WFDC1: variants seen among roughly 807,000 people sequenced by gnomAD.
The protein encoded by WFDC1 is WAP four-disulfide core domain protein 1.
A neutral mutation model predicts 32.9 loss-of-function variants in WFDC1; 39 were observed. The ratio of observed to expected loss-of-function variants is 1.19; its 90% CI spans 0.92 to 1.55. The LOEUF is 1.55. Ranked by LOEUF, WFDC1 falls within the 40% of genes most tolerant of loss-of-function variation. The pLI, the probability that WFDC1 is intolerant of heterozygous loss-of-function variation, is 0.00. For missense variants in WFDC1, 386 were observed against 309.5 expected, an observed-to-expected ratio of 1.25 and a Z score of -1.85; for synonymous variants, 184 against 137.4, an observed-to-expected ratio of 1.34 and a Z score of -2.37.
intron 2 of WFDC1, among the ~76,000 whole-genome samples, chr16:84,314,389 C>T (rs1297366923): frequency 6.6e-6 from 1 of 152,148 alleles, no homozygotes; most frequent in African/African-American, 2.4e-5. Flanking sequence ...GAAGTCTTCT[C>T]CACCCTCGGC....
chr16:84,306,260 C>G (rs1051596081), intron 1 of WFDC1, among the ~76,000 whole-genome samples: 7 of 152,114 alleles, frequency 4.6e-5, no homozygotes, highest in Non-Finnish European at 8.8e-5. Context: ...ACTCCTACAC[C>G]TGAGCCCTTA....
rs1906516296 is a variant in WFDC1 at position 84,295,122 on chromosome 16, G to C, written c.144+7G>C. On this transcript the variant is annotated splice_region_variant and intron_variant, in intron 1 of 6. Transcript: ENST00000219454. ...GCTGGCCGAGAAATCCCGTGTAAGTGCCTGGGATGGGGAGGCTGGGGCAGC... is the reference window on the plus strand; with the variant it reads ...GCTGGCCGAGAAATCCCGTGTAAGTCCCTGGGATGGGGAGGCTGGGGCAGC... 6.2e-7 allele frequency: 1 copy of C among 1,613,366 alleles called. No individual in the cohort carries two copies. Among genetic ancestry groups the C allele is most frequent in the Non-Finnish European group, 8.5e-7 (1 of 1,179,636 alleles).
At chr16:84,298,333 G>T (rs1304565509) in intron 1 of WFDC1, among the ~76,000 whole-genome samples, 1 of 152,092 alleles carries the variant, frequency 6.6e-6, no homozygotes, top group African/African-American at 2.4e-5. Context: ...GAGCTCAGGT[G>T]ATCCGCCCGC....
Position 84,295,102 on chromosome 16 carries a change from C to T in WFDC1, c.131C>T (p.Ala44Val), listed in dbSNP as rs758800904. Residue 44 changes from alanine (A) to valine (V), a missense_variant, in exon 1 of 7, where the codon GCC becomes GTC. Physicochemically the swap from Ala to Val is moderately conservative, Grantham distance 64. Coordinates refer to ENST00000219454, the MANE Select transcript of WFDC1 (RefSeq NM_021197.4). ...AAACGGGCATTGCCTGCGAGGCTGG[C>T]CGAGAAATCCCGTGTAAGTGCCTGG... ...IWKRALPARL[A>V]EKSRAEEAGA... The T allele has an allele frequency of 1.2e-5, 19 of 1,613,836 alleles. No homozygotes were observed. In the East Asian group the frequency reaches 2.5e-4, roughly 21 times the overall value.
chr16:84,313,250 G>A, intron 2 of WFDC1, 97 bp downstream of exon 2: 1 of 1,212,064 alleles, frequency 8.3e-7, no homozygotes, highest in Non-Finnish European at 1.1e-6. Flanking sequence ...TTAAAGCTGG[G>A]CCACCTGGGC....
rs548203878 is a variant in WFDC1, at chr16:84,306,400, G to A, written c.145-6561G>A. ...CAGCTGTGAAAAAGAGTTAGGAAGC[G>A]TTCCGAGTAGAAGGAACAGTGTGCG... On this transcript the variant is annotated intron_variant, in intron 1 of 6. Transcript: ENST00000219454. 3.9e-4 allele frequency among the ~76,000 whole-genome samples: 59 copies of A among 152,284 alleles called. 1 individual carries two copies. Among genetic ancestry groups the A allele is most frequent in the African/African-American group, 1.4e-3 (59 of 41,558 alleles).
At position 84,295,090 on chromosome 16, in the gene WFDC1, C is replaced by A; in HGVS notation, c.119C>A (p.Pro40His). 1 of 1,614,112 alleles carries A rather than the reference C, an allele frequency of 6.2e-7. No homozygotes were observed. The highest frequency in any genetic ancestry group is 8.5e-7 in the Non-Finnish European group (1 of 1,179,982). The change falls in exon 1 of 7, where the codon CCT (proline) becomes CAT (histidine). Residue 40 changes from proline to histidine, a missense_variant. Pro to His is a moderately conservative substitution (Grantham distance 77). Coordinates refer to ENST00000219454, the MANE Select transcript of WFDC1 (RefSeq NM_021197.4). Reference protein sequence around the residue: ...SAKNIWKRALPARLAEKSRAE... With the variant: ...SAKNIWKRALHARLAEKSRAE... Reference sequence around the variant, plus strand: ...AAGAATATCTGGAAACGGGCATTGCCTGCGAGGCTGGCCGAGAAATCCCGT... The same window carrying A: ...AAGAATATCTGGAAACGGGCATTGCATGCGAGGCTGGCCGAGAAATCCCGT...
In WFDC1 at chr16:84,310,142, G is replaced by A. The variant is rs577962180; in HGVS notation, c.145-2819G>A. On this transcript the variant is annotated intron_variant, in intron 1 of 6. Transcript: ENST00000219454. ...AAGGGGTCGCTCACTGGTTAAATGC[G>A]ATGGCGGATTTCTATTAAGACACCG... Among the ~76,000 whole-genome samples, 7 of 152,068 alleles carry A rather than the reference G, an allele frequency of 4.6e-5. No individual in the cohort carries two copies. In the East Asian group the frequency reaches 1.2e-3, roughly 25 times the overall value.
rs1473509690 is a variant in WFDC1 at position 84,313,037 on chromosome 16, C to A, written c.221C>A (p.Pro74His). The A allele has an allele frequency of 1.5e-6, 2 of 1,359,566 alleles. No individual in the cohort carries two copies. The highest frequency in any genetic ancestry group is 1.9e-6 in the Non-Finnish European group (2 of 1,057,626). The allele number at this position is 1,359,566 out of a possible 1,614,324, so 84.2% of individuals were successfully genotyped here. A position where few individuals can be genotyped will look rare whatever the true frequency, so the allele number is the denominator to read the frequency against. ...DRCPPPPRTLPPGACQAARCQ... is the reference protein window; with the variant it reads ...DRCPPPPRTLHPGACQAARCQ... ...TGCCCGCCGCCTCCGCGGACGCTGCCCCCCGGCGCCTGCCAGGCCGCGCGC... is the reference window on the plus strand; with the variant it reads ...TGCCCGCCGCCTCCGCGGACGCTGCACCCCGGCGCCTGCCAGGCCGCGCGC... Residue 74 changes from proline (P) to histidine (H), a missense_variant, in exon 2 of 7, where the codon CCC becomes CAC. Pro to His is a moderately conservative substitution (Grantham distance 77). Transcript: ENST00000219454.
chr16:84,319,376 G>A, intron 3 of WFDC1, 55 bp from the exon 4 acceptor site: 2 of 1,590,082 alleles, frequency 1.3e-6, no homozygotes, highest in African/African-American at 1.3e-5. Flanking sequence ...ACCCTAGCAT[G>A]TGCACCTGTC....
chr16:84,324,450 A>C lies in WFDC1; in HGVS notation c.594A>C (p.Lys198Asn), dbSNP rs747438645. The change falls in exon 5 of 7, where the codon AAA (lysine) becomes AAC (asparagine). Residue 198 changes from lysine to asparagine, a missense_variant. Physicochemically the swap from Lys to Asn is moderately conservative, Grantham distance 94. Coordinates refer to ENST00000219454, the MANE Select transcript of WFDC1 (RefSeq NM_021197.4). ...DGRILRHKLY[K>N]EYPEGDSKNV... ...GAATCCTACGACACAAACTTTACAA[A>C]GAATATCCAGGTAAAAGAAGAAACT... 9.9e-6 allele frequency: 16 copies of C among 1,613,868 alleles called. No homozygotes were observed. The highest frequency in any genetic ancestry group is 1.4e-5 in the Non-Finnish European group (16 of 1,179,950).
At chr16:84,319,831 A>C (rs964967809) in intron 4 of WFDC1, among the ~76,000 whole-genome samples, 7 of 152,152 alleles carry the variant, frequency 4.6e-5, no homozygotes, top group Non-Finnish European at 1.0e-4. Flanking sequence ...CAGCTGGGCG[A>C]CACTGGGGTT....
intron 4 of WFDC1, 133 bp downstream of exon 4, chr16:84,319,704 C>A: frequency 2.5e-6 from 3 of 1,180,532 alleles, no homozygotes; most frequent in Non-Finnish European, 3.5e-6. Flanking sequence ...GAGCTCCTCA[C>A]ATCTTCCCCC....
chr16:84,302,361 G>C (rs1342628963), intron 1 of WFDC1, among the ~76,000 whole-genome samples: 2 of 152,134 alleles, frequency 1.3e-5, no homozygotes, highest in East Asian at 3.8e-4. Context: ...ATGGAAAATT[G>C]CATGTTATAT....
intron 4 of WFDC1, 107 bp downstream of exon 4, chr16:84,319,678 A>G (rs1908191953): frequency 6.9e-7 from 1 of 1,443,548 alleles, no homozygotes; most frequent in African/African-American, 1.4e-5. Flanking sequence ...CAGCCCCAGC[A>G]CCTGGGCCTG....
intron 1 of WFDC1, among the ~76,000 whole-genome samples, chr16:84,304,493 G>A (rs751250659): frequency 4.6e-5 from 7 of 152,180 alleles, no homozygotes; most frequent in Non-Finnish European, 1.0e-4. Context: ...CTCCCAAAGT[G>A]CTGGGATTAT....
At chr16:84,297,673 G>A (rs978550418) in intron 1 of WFDC1, among the ~76,000 whole-genome samples, 6 of 148,550 alleles carry the variant, frequency 4.0e-5, no homozygotes, top group East Asian at 2.0e-4. Context: ...AGCCCTGGGC[G>A]AAGACAGGCT....
At chr16:84,295,333 C>A (rs1906530608) in intron 1 of WFDC1, 4 of 557,200 alleles carry the variant, frequency 7.2e-6, no homozygotes, top group Non-Finnish European at 1.2e-5. Context: ...GCAAAAGACA[C>A]ATCACAAATG....
At chr16:84,307,282 A>C (rs1423079441) in intron 1 of WFDC1, among the ~76,000 whole-genome samples, 1 of 152,196 alleles carries the variant, frequency 6.6e-6, no homozygotes, top group East Asian at 1.9e-4. Context: ...TATTTCCCAG[A>C]ACTCCAGAAA....
Sources: gnomAD v4.1 joint callset for allele counts (sites outside exome capture counted in the v4.1 genomes callset) on GRCh38, gnomAD v4.1.1 for gene constraint, MANE v1.5 for transcripts, NCBI Gene and HGNC (gene_info 2026-07-23, HGNC 2026-07-21) for gene names.